Variants in TMOD2 observed in about 807,000 individuals in gnomAD.
TMOD2 encodes the protein tropomodulin-2.
Under a neutral mutation model 39.9 loss-of-function variants are expected in TMOD2, and 22 were observed. The ratio of observed to expected loss-of-function variants is 0.55; its 90% confidence interval spans 0.39 to 0.79. The LOEUF is 0.79. Ranked by LOEUF, TMOD2 falls within the 30% of genes least tolerant of loss-of-function variation. The probability of loss-of-function intolerance (pLI) is 0.00; values close to 1 mark genes in which losing one functional copy is unlikely to be tolerated. For synonymous variants in TMOD2, 123 were observed against 146.1 expected (o/e 0.84, Z 1.14); for missense variants, 386 against 413.3 (o/e 0.93, Z 0.57).
intron 8 of TMOD2, among the ~76,000 whole-genome samples, chr15:51,801,237 T>TCACACA (rs546562505): frequency 0.012 from 1,275 of 102,082 alleles, 7 homozygotes; most frequent in African/African-American, 0.016. Context: ...TCTCTCTCTC[T>TCACACA]CACACACACA....
intron 8 of TMOD2, among the ~76,000 whole-genome samples, chr15:51,800,789 T>C (rs2056081927): frequency 6.6e-6 from 1 of 152,176 alleles, no homozygotes; most frequent in South Asian, 2.1e-4. Context: ...CACTGCAATC[T>C]CCACCTCTCT....
intron 1 of TMOD2, among the ~76,000 whole-genome samples, chr15:51,755,127 A>G (rs1309556291): frequency 6.6e-6 from 1 of 152,196 alleles, no homozygotes; most frequent in African/African-American, 2.4e-5. Flanking sequence ...TTTGTTGTAT[A>G]CTATGAACCA....
Position 51,811,810 on chromosome 15 carries a change from C to T in TMOD2, c.*3356C>T, listed in dbSNP as rs2056158534. 1.3e-5 allele frequency: 2 copies of T among 152,078 alleles called. No individual in the cohort carries two copies. Among genetic ancestry groups the T allele is most frequent in the African/African-American group, 4.8e-5 (2 of 41,404 alleles). The allele number at this position is 152,078 out of a possible 1,614,324, so 9.4% of individuals were successfully genotyped here. On this transcript the variant is annotated 3_prime_UTR_variant, in exon 10 of 10. Coordinates refer to ENST00000249700, the MANE Select transcript of TMOD2 (RefSeq NM_014548.4). ...CAGGCCCAGGTTAAATATGAAATTA[C>T]TCCCTAGGCTTTGCAGTTTATGTTA...
Position 51,768,409 on chromosome 15 carries a change from G to A in TMOD2, c.274G>A (p.Glu92Lys). The A allele has an allele frequency of 6.2e-7, 1 of 1,613,264 alleles. No individual in the cohort carries two copies. The highest frequency in any genetic ancestry group is 8.5e-7 in the Non-Finnish European group (1 of 1,179,754). ...AGAGGACTTTGTGCCCTTCACTGGAGAAAAGAAAGGTAAGGACCACAGGCA... is the reference window on the plus strand; with the variant it reads ...AGAGGACTTTGTGCCCTTCACTGGAAAAAAGAAAGGTAAGGACCACAGGCA... ...DREDFVPFTG[E>K]KKGRVFIPKE... The change falls in exon 3 of 10, where the codon GAA becomes AAA. Residue 92 changes from glutamate (E) to lysine (K), a missense_variant. Transcript: ENST00000249700.
chr15:51,803,450 G>A (rs921341189), intron 8 of TMOD2, among the ~76,000 whole-genome samples: 8 of 151,952 alleles, frequency 5.3e-5, no homozygotes, highest in African/African-American at 1.4e-4. Flanking sequence ...CAAAGTGCTG[G>A]GATTATAGGT....
At position 51,782,814 on chromosome 15, in the gene TMOD2, G is replaced by GA; in HGVS notation, c.719dup (p.Asp240GlufsTer43). 6.2e-7 allele frequency: 1 copy of GA among 1,613,908 alleles called. No individual in the cohort carries two copies. The highest frequency in any genetic ancestry group is 8.5e-7 in the Non-Finnish European group (1 of 1,179,856). On this transcript the variant is annotated frameshift_variant, in exon 7 of 10. Coordinates refer to ENST00000249700, the MANE Select transcript of TMOD2 (RefSeq NM_014548.4). LOFTEE classifies it high-confidence loss of function. ...CAGCCTGGCCGCAACTCGCAGCAAT[G>GA]ACCCTGTGGCCATTGTGAGTAAAAT...
chr15:51,806,273 C>T (rs1346772746), intron 8 of TMOD2, 104 bp from the exon 9 acceptor site: 2 of 1,348,686 alleles, frequency 1.5e-6, no homozygotes, highest in East Asian at 4.7e-5. Flanking sequence ...ACCTTTGCCT[C>T]TTTGCCTTTT....
At chr15:51,773,928 GT>G in intron 4 of TMOD2, 94 bp downstream of exon 4, 1 of 1,382,870 alleles carries the variant, frequency 7.2e-7, no homozygotes, top group Non-Finnish European at 9.8e-7. Context: ...CTTCTCTTAG[GT>G]AGGAGAATGA....
intron 3 of TMOD2, among the ~76,000 whole-genome samples, chr15:51,773,319 A>G (rs1158036448): frequency 5.9e-5 from 9 of 152,208 alleles, no homozygotes; most frequent in Admixed American, 5.9e-4. Context: ...CTTTGGCCTC[A>G]TGGTTCCTCC....
chr15:51,802,707 AT>A (rs1385811798), intron 8 of TMOD2, among the ~76,000 whole-genome samples: 1 of 152,080 alleles, frequency 6.6e-6, no homozygotes, highest in African/African-American at 2.4e-5. Context: ...AAACTATGTC[AT>A]TTGCTAAAGT....
intron 3 of TMOD2, 85 bp from the exon 4 acceptor site, chr15:51,773,627 C>T: frequency 1.4e-6 from 2 of 1,394,780 alleles, no homozygotes; most frequent in Admixed American, 2.4e-5. Flanking sequence ...GTCTCAATGG[C>T]CAGAACTGCA....
At chr15:51,784,662 GA>G (rs1263056539) in intron 7 of TMOD2, 1 of 152,184 alleles carries the variant, frequency 6.6e-6, no homozygotes, top group East Asian at 1.9e-4. Context: ...CATTAAAATA[GA>G]AAGATGGCAG....
intron 4 of TMOD2, among the ~76,000 whole-genome samples, chr15:51,775,161 T>C (rs1205769017): frequency 6.6e-6 from 1 of 151,946 alleles, no homozygotes; most frequent in Non-Finnish European, 1.5e-5. Flanking sequence ...ATATTGCCCA[T>C]GTTATTGTGG....
intron 4 of TMOD2, among the ~76,000 whole-genome samples, chr15:51,775,770 G>A (rs917502486): frequency 3.3e-5 from 5 of 151,928 alleles, no homozygotes; most frequent in East Asian, 1.9e-4. Context: ...TAGAGACGGG[G>A]CTTCGCCATG....
intron 1 of TMOD2, among the ~76,000 whole-genome samples, chr15:51,764,819 CCTT>C (rs2055805741): frequency 6.6e-6 from 1 of 152,170 alleles, no homozygotes; most frequent in African/African-American, 2.4e-5. Context: ...ATGACCTCCT[CCTT>C]CAATGTTCAA....
At chr15:51,793,507 A>G (rs2056026957) in intron 7 of TMOD2, among the ~76,000 whole-genome samples, 1 of 152,224 alleles carries the variant, frequency 6.6e-6, no homozygotes, top group Non-Finnish European at 1.5e-5. Flanking sequence ...TTGCATTTCC[A>G]TACAATCCTA....
Position 51,812,319 on chromosome 15 carries a change from C to A in TMOD2, c.*3865C>A, listed in dbSNP as rs1318163804. The A allele has an allele frequency of 6.6e-6, 1 of 152,216 alleles. No individual in the cohort carries two copies. Among genetic ancestry groups the A allele is most frequent in the Non-Finnish European group, 1.5e-5 (1 of 68,054 alleles). The allele number at this position is 152,216 out of a possible 1,614,324, so 9.4% of individuals were successfully genotyped here. A position where few individuals can be genotyped will look rare whatever the true frequency, so the allele number is the denominator to read the frequency against. ...GCTTCTCTTCCAACAGAAACATGGC[C>A]CCTGACAGGGCACCAGCATTAGGGA... On this transcript the variant is annotated 3_prime_UTR_variant, in exon 10 of 10. Transcript: ENST00000249700.
chr15:51,773,633 C>T (rs1567238307), intron 3 of TMOD2, 79 bp from the exon 4 acceptor site: 4 of 1,432,834 alleles, frequency 2.8e-6, no homozygotes, highest in Non-Finnish European at 3.7e-6. Context: ...ATGGCCAGAA[C>T]TGCATTCTCT....
Position 51,808,628 on chromosome 15 carries a change from A to C in TMOD2, c.*174A>C. ...CTACTTATTTATCTTGGATTTTGTA[A>C]TATATGCAATTGTTTTATTTGCTCA... On this transcript the variant is annotated 3_prime_UTR_variant, in exon 10 of 10. Coordinates refer to ENST00000249700, the MANE Select transcript of TMOD2 (RefSeq NM_014548.4). 2.2e-6 allele frequency: 1 copy of C among 458,888 alleles called. No homozygotes were observed. Among genetic ancestry groups the C allele is most frequent in the Non-Finnish European group, 3.8e-6 (1 of 262,606 alleles). 28.4% of individuals were successfully genotyped at this position (458,888 alleles called of 1,614,324 possible).
Sources: gnomAD v4.1 joint callset for allele counts (sites outside exome capture counted in the v4.1 genomes callset) on GRCh38, gnomAD v4.1.1 for gene constraint, MANE v1.5 for transcripts, NCBI Gene and HGNC (gene_info 2026-07-23, HGNC 2026-07-21) for gene names.